KDM3A: variants seen among roughly 807,000 people sequenced by gnomAD.
KDM3A encodes lysine-specific demethylase 3A.
Under a neutral mutation model 158.0 loss-of-function variants are expected in KDM3A, and 60 were observed. That is an observed-to-expected ratio of 0.38 (90% confidence interval 0.31 to 0.47). KDM3A has a LOEUF of 0.47. Ranked by LOEUF, KDM3A falls within the 20% of genes least tolerant of loss-of-function variation. The pLI, the probability that KDM3A is intolerant of heterozygous loss-of-function variation, is 0.99. For synonymous variants in KDM3A, 608 were observed against 549.3 expected (o/e 1.11, Z -1.49); for missense variants, 1,319 against 1,574.3 (o/e 0.84, Z 2.74).
intron 23 of KDM3A, chr2:86,490,301 A>G (rs114331107): frequency 0.039 from 5,898 of 152,896 alleles, 181 homozygotes; most frequent in Middle Eastern, 0.071. Flanking sequence ...TGAGTCTTGG[A>G]TATGAACATT....
At chr2:86,462,792 C>T (rs1276028050) in intron 8 of KDM3A, among the ~76,000 whole-genome samples, 1 of 152,082 alleles carries the variant, frequency 6.6e-6, no homozygotes, top group Non-Finnish European at 1.5e-5. Context: ...TCGAAATTGT[C>T]AGGTTTTAAA....
At chr2:86,446,127 A>G (rs1410607996) in intron 2 of KDM3A, among the ~76,000 whole-genome samples, 2 of 152,180 alleles carry the variant, frequency 1.3e-5, no homozygotes, top group East Asian at 3.8e-4. Context: ...TGTTGGGGAA[A>G]CATTGGCTTG....
At chr2:86,444,668 G>C (rs991431691) in intron 2 of KDM3A, among the ~76,000 whole-genome samples, 10 of 151,344 alleles carry the variant, frequency 6.6e-5, no homozygotes, top group African/African-American at 2.2e-4. Flanking sequence ...GATGGGGGTG[G>C]GGCGAGGGGC....
chr2:86,487,601 G>C (rs933238084), intron 21 of KDM3A: 1 of 152,122 alleles, frequency 6.6e-6, no homozygotes, highest in Non-Finnish European at 1.5e-5. Context: ...CTAGTACTTA[G>C]ATCTCCTGAT....
chr2:86,475,246 C>T (rs1032185381), intron 12 of KDM3A, among the ~76,000 whole-genome samples: 4 of 152,124 alleles, frequency 2.6e-5, no homozygotes, highest in Admixed American at 2.0e-4. Flanking sequence ...GTGGAATTTG[C>T]ACAGCCTCAC....
rs751769852 is a variant in KDM3A, at chr2:86,466,300, A to T, written c.1008-72A>T. 53 of 1,444,390 alleles carry T rather than the reference A, an allele frequency of 3.7e-5. 1 individual carries two copies. The South Asian group carries it at 5.2e-4, about 14-fold the overall frequency. 89.5% of individuals were successfully genotyped at this position (1,444,390 alleles called of 1,614,324 possible). ...TACTCGTTACCTTAGGGAACCAAAC[A>T]GTTTGTTTGGGGAAGATAATGGAGA... On this transcript the variant is annotated intron_variant, in intron 9 of 25. Coordinates refer to ENST00000312912, the MANE Select transcript of KDM3A (RefSeq NM_018433.6).
At position 86,480,008 on chromosome 2, in the gene KDM3A, C is replaced by T. The variant is rs78839009; in HGVS notation, c.2317-159C>T. ...ACCTTTTAGTTATTCTCTACTAGTG[C>T]GGGATTACTGCAGCTGTGGGGATAC... On this transcript the variant is annotated intron_variant, in intron 15 of 25. Coordinates refer to ENST00000312912, the MANE Select transcript of KDM3A (RefSeq NM_018433.6). 360 of 619,824 alleles carry T rather than the reference C, an allele frequency of 5.8e-4. 2 individuals carry two copies. The East Asian group carries it at 9.2e-3, about 16-fold the overall frequency. 38.4% of individuals were successfully genotyped at this position (619,824 alleles called of 1,614,324 possible).
At chr2:86,470,884 G>T (rs966203868) in intron 11 of KDM3A, among the ~76,000 whole-genome samples, 5 of 152,126 alleles carry the variant, frequency 3.3e-5, no homozygotes, top group African/African-American at 1.2e-4. Flanking sequence ...AGTAATGTTT[G>T]ATAATTTATT....
At chr2:86,450,351 C>T (rs902361259) in intron 3 of KDM3A, among the ~76,000 whole-genome samples, 4 of 152,176 alleles carry the variant, frequency 2.6e-5, no homozygotes, top group Non-Finnish European at 5.9e-5. Flanking sequence ...AAGATAATGG[C>T]AACACTGGAG....
Position 86,456,710 on chromosome 2 carries a change from TAAG to T in KDM3A, c.682-91_682-89del, listed in dbSNP as rs886580522. 1.4e-5 allele frequency: 18 copies of T among 1,276,244 alleles called. No homozygotes were observed. In the East Asian group the frequency reaches 2.6e-4, roughly 18 times the overall value. The allele number at this position is 1,276,244 out of a possible 1,614,324, so 79.1% of individuals were successfully genotyped here. ...AGTTGTTTTAAAAAGAAATTATTCATAAGAAGCTCCTATTGTTATGTTAATGAA... is the reference window on the plus strand; with the variant it reads ...AGTTGTTTTAAAAAGAAATTATTCATAAGCTCCTATTGTTATGTTAATGAA... On this transcript the variant is annotated intron_variant, in intron 6 of 25. Coordinates refer to ENST00000312912, the MANE Select transcript of KDM3A (RefSeq NM_018433.6).
chr2:86,456,432 T>TTTC lies in KDM3A; in HGVS notation c.557-8_557-7insCTT. On this transcript the variant is annotated splice_polypyrimidine_tract_variant and intron_variant, in intron 5 of 25. Coordinates refer to ENST00000312912, the MANE Select transcript of KDM3A (RefSeq NM_018433.6). ...TGCTCTAAGATTTTTTTTTTTTTTT[T>TTTC]TTTTTTAAGGTGACAAAAACTTAGT... 7.0e-7 allele frequency: 1 copy of TTTC among 1,432,676 alleles called. No individual in the cohort carries two copies. The highest frequency in any genetic ancestry group is 2.6e-5 in the East Asian group (1 of 37,906). The allele number at this position is 1,432,676 out of a possible 1,614,324, so 88.7% of individuals were successfully genotyped here. A position where few individuals can be genotyped will look rare whatever the true frequency, so the allele number is the denominator to read the frequency against.
At chr2:86,437,625 G>A (rs1682512991), upstream of KDM3A, among the ~76,000 whole-genome samples, 1 of 152,022 alleles carries the variant, frequency 6.6e-6, no homozygotes, top group Non-Finnish European at 1.5e-5. Flanking sequence ...TTTTGTTAGA[G>A]GAGAAATGAC....
chr2:86,446,090 A>G (rs80354140), intron 2 of KDM3A, among the ~76,000 whole-genome samples: 19,540 of 152,194 alleles, frequency 0.13, 1,378 homozygotes, highest in Non-Finnish European at 0.16. Flanking sequence ...TAGATACAAT[A>G]TTAATTCATA....
Position 86,478,231 on chromosome 2 carries a change from G to T in KDM3A, c.2154G>T (p.Glu718Asp), listed in dbSNP as rs1421658040. The change falls in exon 14 of 26, where the codon GAG becomes GAT. Residue 718 changes from glutamate (E) to aspartate (D), a missense_variant. By Grantham distance (45) the Glu-to-Asp change is conservative. Coordinates refer to ENST00000312912, the MANE Select transcript of KDM3A (RefSeq NM_018433.6). ...KCVKSQIHEP[E>D]NLMPTQIIPG... ...TGAAGAGTCAGATACATGAACCAGA[G>T]AACTTAATGCCCACACAGATCATTC... 1 of 1,613,756 alleles carries T rather than the reference G, an allele frequency of 6.2e-7. No individual in the cohort carries two copies. The highest frequency in any genetic ancestry group is 8.5e-7 in the Non-Finnish European group (1 of 1,179,610).
rs1674340603 is a variant in KDM3A, at chr2:86,489,298, A to C, written c.3314-20A>C. On this transcript the variant is annotated intron_variant, in intron 21 of 25. Coordinates refer to ENST00000312912, the MANE Select transcript of KDM3A (RefSeq NM_018433.6). Reference sequence around the variant, plus strand: ...GCCTTTGTTGTCTTTTGTAAAACTTAAGGCACTTTGTTTTTGCAGGATTAA... The same window carrying C: ...GCCTTTGTTGTCTTTTGTAAAACTTCAGGCACTTTGTTTTTGCAGGATTAA... 1 of 1,609,394 alleles carries C rather than the reference A, an allele frequency of 6.2e-7. No individual in the cohort carries two copies. Among genetic ancestry groups the C allele is most frequent in the African/African-American group, 1.3e-5 (1 of 74,780 alleles).
Position 86,482,527 on chromosome 2 carries a change from A to T in KDM3A, c.2755A>T (p.Thr919Ser), listed in dbSNP as rs755482118. Residue 919 changes from threonine to serine, a missense_variant, in exon 18 of 26, where the codon ACG (threonine) becomes TCG (serine). Around this residue, in one of 4 missense-constraint regions of KDM3A, gnomAD observed 368 missense variants for 415.8 expected, o/e 0.89. Transcript: ENST00000312912. ...DIFASLVQNK[T>S]TSDLSKRPQG... ...CTTTGCCTCTTTGGTGCAAAATAAGACGACTTCTGATTTATCTAAGAGGCC... is the reference window on the plus strand; with the variant it reads ...CTTTGCCTCTTTGGTGCAAAATAAGTCGACTTCTGATTTATCTAAGAGGCC... 1 of 1,614,164 alleles carries T rather than the reference A, an allele frequency of 6.2e-7. No individual in the cohort carries two copies. Among genetic ancestry groups the T allele is most frequent in the South Asian group, 1.1e-5 (1 of 91,078 alleles).
Position 86,449,860 on chromosome 2 carries a change from C to T in KDM3A, c.240C>T (p.Val80=). 1 of 1,613,736 alleles carries T rather than the reference C, an allele frequency of 6.2e-7. No homozygotes were observed. The highest frequency in any genetic ancestry group is 8.5e-7 in the Non-Finnish European group (1 of 1,179,814). Residue 80 remains valine (V), a synonymous_variant, in exon 3 of 26, where the codon GTC becomes GTT. Coordinates refer to ENST00000312912, the MANE Select transcript of KDM3A (RefSeq NM_018433.6). ...ESWRKRRWIE[V]YSLLRRAFLV... ...GGAGGAAAAGAAGATGGATAGAAGT[C>T]TACAGCCTTCTAAGGAGAGCATTTT...
Position 86,461,120 on chromosome 2 carries a change from T to C in KDM3A, c.844-2933T>C, listed in dbSNP as rs72930371. 4.2e-3 allele frequency among the ~76,000 whole-genome samples: 633 copies of C among 152,284 alleles called. 5 individuals carry two copies. The highest frequency in any genetic ancestry group is 0.015 in the African/African-American group (603 of 41,560). ...GGTAAAAGCACAGCCCTGTAAAGTATACTTCATGGGAAGAAAGTGCTAGGA... is the reference window on the plus strand; with the variant it reads ...GGTAAAAGCACAGCCCTGTAAAGTACACTTCATGGGAAGAAAGTGCTAGGA... On this transcript the variant is annotated intron_variant, in intron 8 of 25. Transcript: ENST00000312912.
chr2:86,478,071 TAAATC>T (rs1167394099), intron 13 of KDM3A, 42 bp downstream of exon 13: 7 of 1,612,712 alleles, frequency 4.3e-6, no homozygotes, highest in East Asian at 2.2e-5. Flanking sequence ...TCTACACAGT[TAAATC>T]AAGTGTTTTT....
Sources: gnomAD v4.1 joint callset for allele counts (sites outside exome capture counted in the v4.1 genomes callset) on GRCh38, gnomAD v4.1.1 for gene constraint, gnomAD v4.1.1 regional missense constraint, MANE v1.5 for transcripts, NCBI Gene and HGNC (gene_info 2026-07-23, HGNC 2026-07-21) for gene names.